FASLG: variants seen among roughly 807,000 people sequenced by gnomAD.
FASLG encodes tumor necrosis factor ligand superfamily member 6.
A neutral mutation model predicts 24.6 loss-of-function variants in FASLG; 9 were observed. The ratio of observed to expected loss-of-function variants is 0.37; its 90% CI spans 0.22 to 0.64. FASLG has a LOEUF of 0.64. FASLG is among the 30% of genes least tolerant of loss of function. The pLI, the probability that FASLG is intolerant of heterozygous loss-of-function variation, is 0.64. For synonymous variants in FASLG, 130 were observed against 135.5 expected (o/e 0.96, Z 0.28); for missense variants, 306 against 345.3 (o/e 0.89, Z 0.90).
chr1:172,661,481 T>C (rs1659138670), intron 2 of FASLG, among the ~76,000 whole-genome samples: 1 of 152,160 alleles, frequency 6.6e-6, no homozygotes, highest in Non-Finnish European at 1.5e-5. Flanking sequence ...CTGGAGGACG[T>C]CTGAAATAAG....
chr1:172,665,523 A>T, intron 3 of FASLG, 99 bp from the exon 4 acceptor site: 2 of 1,379,616 alleles, frequency 1.4e-6, no homozygotes, highest in South Asian at 2.4e-5. Context: ...TCTGGGTGAA[A>T]CATTTGTTGA....
intron 2 of FASLG, among the ~76,000 whole-genome samples, chr1:172,662,249 A>C (rs1011082455): frequency 6.6e-6 from 1 of 152,242 alleles, no homozygotes; most frequent in Non-Finnish European, 1.5e-5. Flanking sequence ...ATTCTTAGGA[A>C]CTGGAAAGTT....
In FASLG at chr1:172,664,289, T is replaced by C. The variant is rs542772562; in HGVS notation, c.395-45T>C. 14 of 1,580,368 alleles carry C rather than the reference T, an allele frequency of 8.9e-6. No individual in the cohort carries two copies. In the South Asian group the frequency reaches 1.5e-4, roughly 16 times the overall value. On this transcript the variant is annotated intron_variant, in intron 2 of 3. Transcript: ENST00000367721. ...TTTAAATTCCCACCAAAATAATAGT[T>C]GCTATTTCATTTTAACATATATTTT...
chr1:172,659,641 CT>C (rs79818565), intron 1 of FASLG, 92 bp downstream of exon 1: 99,736 of 1,025,508 alleles, frequency 0.097, 688 homozygotes, highest in African/African-American at 0.21. Flanking sequence ...CTTTTCAATC[CT>C]TTTTTTTTTT....
At chr1:172,664,240 A>G in intron 2 of FASLG, 94 bp from the exon 3 acceptor site, 9 of 1,376,800 alleles carry the variant, frequency 6.5e-6, no homozygotes, top group Non-Finnish European at 9.1e-6. Flanking sequence ...ACGGTTTTAA[A>G]ATCTTTTTTT....
chr1:172,664,285 T>C, intron 2 of FASLG, 49 bp from the exon 3 acceptor site: 2 of 1,568,156 alleles, frequency 1.3e-6, no homozygotes, highest in Non-Finnish European at 8.8e-7. Flanking sequence ...ACCAAAATAA[T>C]AGTTGCTATT....
rs775575378 is a variant in FASLG at position 172,660,189 on chromosome 1, C to G, written c.394+49C>G. 1.5e-5 allele frequency: 24 copies of G among 1,562,790 alleles called. No individual in the cohort carries two copies. In the African/African-American group the frequency reaches 2.8e-4, roughly 19 times the overall value. On this transcript the variant is annotated intron_variant, in intron 2 of 3. Transcript: ENST00000367721. ...TTGAGTTCCCAAAGATGATCCTCAG[C>G]ACAGAACTATGTTAATGGAATGCCT... is the stretch of plus-strand genomic sequence containing the variant.
At position 172,666,747 on chromosome 1, in the gene FASLG, A is replaced by G. The variant is rs1437636530; in HGVS notation, c.*731A>G. 1.3e-5 allele frequency: 2 copies of G among 152,704 alleles called. No homozygotes were observed. The highest frequency in any genetic ancestry group is 1.5e-5 in the Non-Finnish European group (1 of 68,012). The allele number at this position is 152,704 out of a possible 1,614,324, so 9.5% of individuals were successfully genotyped here. A position where few individuals can be genotyped will look rare whatever the true frequency, so the allele number is the denominator to read the frequency against. ...GAATGCTTCCTGACAATCAACTCTA[A>G]TAGTGCTTAAAAATCATTGATTGTC... On this transcript the variant is annotated 3_prime_UTR_variant, in exon 4 of 4. Transcript: ENST00000367721.
chr1:172,664,290 G>A, intron 2 of FASLG, 44 bp from the exon 3 acceptor site: 4 of 1,574,710 alleles, frequency 2.5e-6, no homozygotes, highest in East Asian at 2.2e-5. Context: ...AATAATAGTT[G>A]CTATTTCATT....
chr1:172,660,707 A>G (rs1659119096), intron 2 of FASLG, among the ~76,000 whole-genome samples: 2 of 152,212 alleles, frequency 1.3e-5, no homozygotes, highest in Non-Finnish European at 2.9e-5. Context: ...GACTTCAGCC[A>G]TCATTCAAAG....
At chr1:172,662,527 T>C (rs1231496313) in intron 2 of FASLG, among the ~76,000 whole-genome samples, 1 of 152,036 alleles carries the variant, frequency 6.6e-6, no homozygotes, top group East Asian at 1.9e-4. Flanking sequence ...TCCAAAGTTG[T>C]ACTAAGTACA....
intron 2 of FASLG, among the ~76,000 whole-genome samples, chr1:172,663,796 G>T (rs1408885101): frequency 1.3e-5 from 2 of 152,208 alleles, no homozygotes; most frequent in Non-Finnish European, 2.9e-5. Context: ...ACTGGGGGAA[G>T]ATCTGGTGAC....
Position 172,659,341 on chromosome 1 carries a change from C to G in FASLG, c.140C>G (p.Pro47Arg). ...PRRPGQRRPPPPPPPPPLPPP... is the reference protein window; with the variant it reads ...PRRPGQRRPPRPPPPPPLPPP... The stretch of plus-strand genomic sequence containing the variant: ...AGGCCTGGTCAAAGGAGGCCACCAC[C>G]ACCACCGCCACCGCCACCACTACCA... Residue 47 changes from proline (P) to arginine (R), a missense_variant, in exon 1 of 4, where the codon CCA becomes CGA. Pro to Arg is a moderately radical substitution (Grantham distance 103). Transcript: ENST00000367721. 6.2e-7 allele frequency: 1 copy of G among 1,612,068 alleles called. No homozygotes were observed.
rs1659091764 is a variant in FASLG at position 172,659,472 on chromosome 1, C to T, written c.271C>T (p.Leu91=). Reference sequence around the variant, plus strand: ...TCTCCTTGTGATGTTTTTCATGGTTCTGGTTGCCTTGGTAGGATTGGGCCT... The same window carrying T: ...TCTCCTTGTGATGTTTTTCATGGTTTTGGTTGCCTTGGTAGGATTGGGCCT... ...LCLLVMFFMV[L]VALVGLGLGM... Residue 91 remains leucine, a synonymous_variant, in exon 1 of 4, where the codon CTG becomes TTG. Transcript: ENST00000367721. The T allele has an allele frequency of 6.2e-7, 1 of 1,613,912 alleles. No homozygotes were observed. Among genetic ancestry groups the T allele is most frequent in the African/African-American group, 1.3e-5 (1 of 74,886 alleles).
chr1:172,665,721 A>C lies in FASLG; in HGVS notation c.551A>C (p.Asn184Thr). Residue 184 changes from asparagine (N) to threonine (T), a missense_variant, in exon 4 of 4, where the codon AAT (asparagine) becomes ACT (threonine). Coordinates refer to ENST00000367721, the MANE Select transcript of FASLG (RefSeq NM_000639.3). The part of the protein sequence containing the change: ...VKYKKGGLVI[N>T]ETGLYFVYSK... ...TATAAGAAGGGTGGCCTTGTGATCA[A>C]TGAAACTGGGCTGTACTTTGTATAT... is the stretch of plus-strand genomic sequence containing the variant. 1 of 1,614,198 alleles carries C rather than the reference A, an allele frequency of 6.2e-7. No individual in the cohort carries two copies. The highest frequency in any genetic ancestry group is 8.5e-7 in the Non-Finnish European group (1 of 1,180,026).
rs1049754208 is a variant in FASLG at position 172,664,338 on chromosome 1, C to T, written c.399C>T (p.His133=). The T allele has an allele frequency of 1.2e-6, 2 of 1,613,802 alleles. No individual in the cohort carries two copies. The highest frequency in any genetic ancestry group is 1.7e-6 in the Non-Finnish European group (2 of 1,179,828). Residue 133 remains histidine (H), a synonymous_variant, in exon 3 of 4, where the codon CAC becomes CAT. Coordinates refer to ENST00000367721, the MANE Select transcript of FASLG (RefSeq NM_000639.3). ...TTTCCTCTCTCTATGATACAGGCCA[C>T]CCCAGTCCACCCCCTGAAAAAAAGG... The part of the protein sequence containing the change: ...TASSLEKQIG[H]PSPPPEKKEL...
Position 172,660,155 on chromosome 1 carries a change from G to T in FASLG, c.394+15G>T, listed in dbSNP as rs752132966. On this transcript the variant is annotated intron_variant, in intron 2 of 3. Coordinates refer to ENST00000367721, the MANE Select transcript of FASLG (RefSeq NM_000639.3). The stretch of plus-strand genomic sequence containing the variant: ...GAAGCAAATAGGTGAGTCTTTTTTC[G>T]CATGTACATTGAGTTCCCAAAGATG... The T allele has an allele frequency of 6.2e-7, 1 of 1,613,102 alleles. No homozygotes were observed. Among genetic ancestry groups the T allele is most frequent in the Non-Finnish European group, 8.5e-7 (1 of 1,179,174 alleles).
rs377223145 is a variant in FASLG at position 172,659,277 on chromosome 1, C to A, written c.76C>A (p.Pro26Thr). The A allele has an allele frequency of 1.3e-5, 21 of 1,614,030 alleles. No individual in the cohort carries two copies. The highest frequency in any genetic ancestry group is 1.7e-5 in the Non-Finnish European group (20 of 1,180,012). Residue 26 changes from proline to threonine, a missense_variant, in exon 1 of 4, where the codon CCA (proline) becomes ACA (threonine). Pro to Thr is a conservative substitution (Grantham distance 38, BLOSUM62 -1). Coordinates refer to ENST00000367721, the MANE Select transcript of FASLG (RefSeq NM_000639.3). ...CAGTGCCAGCTCTCCCTGGGCCCCT[C>A]CAGGCACAGTTCTTCCCTGTCCAAC... ...DSSASSPWAP[P>T]GTVLPCPTSV...
At chr1:172,662,460 T>C (rs1034750555) in intron 2 of FASLG, among the ~76,000 whole-genome samples, 1 of 152,236 alleles carries the variant, frequency 6.6e-6, no homozygotes, top group African/African-American at 2.4e-5. Context: ...CCTGTCCTTA[T>C]GGAGCTTTTA....
Sources: gnomAD v4.1 joint callset for allele counts (sites outside exome capture counted in the v4.1 genomes callset) on GRCh38, gnomAD v4.1.1 for gene constraint, MANE v1.5 for transcripts, NCBI Gene and HGNC (gene_info 2026-07-23, HGNC 2026-07-21) for gene names.